Variants in TULP4 observed in about 807,000 individuals in gnomAD.
TULP4 encodes the protein tubby-related protein 4.
A neutral mutation model predicts 129.0 loss-of-function variants in TULP4; 16 were observed. That is an observed-to-expected ratio of 0.12 (90% CI 0.08 to 0.19). TULP4 has a LOEUF of 0.19. Among genes scored for constraint, TULP4 ranks in the 10% least tolerant of loss-of-function variants. The pLI is 1.00. For synonymous variants in TULP4, 998 were observed against 854.0 expected (o/e 1.17, Z -2.94); for missense variants, 1,842 against 2,059.1 (o/e 0.89, Z 2.04).
At chr6:158,232,597 G>A (rs1777618034) in intron 1 of TULP4, among the ~76,000 whole-genome samples, 1 of 152,066 alleles carries the variant, frequency 6.6e-6, no homozygotes, top group African/African-American at 2.4e-5. Flanking sequence ...AGCGCGGGGC[G>A]GGCGTGCGTG....
chr6:158,433,744 A>G (rs1181320007), intron 3 of TULP4, among the ~76,000 whole-genome samples: 1 of 152,190 alleles, frequency 6.6e-6, no homozygotes, highest in Non-Finnish European at 1.5e-5. Context: ...TGTTAATGTC[A>G]TCTACACTTA....
At chr6:158,301,179 A>C (rs1268165833) in intron 1 of TULP4, among the ~76,000 whole-genome samples, 1 of 152,216 alleles carries the variant, frequency 6.6e-6, no homozygotes, top group Non-Finnish European at 1.5e-5. Flanking sequence ...GACAATATTT[A>C]AAGGTTTGGG....
chr6:158,426,609 T>G (rs868757666), intron 2 of TULP4, among the ~76,000 whole-genome samples: 5 of 152,226 alleles, frequency 3.3e-5, no homozygotes, highest in African/African-American at 1.2e-4. Context: ...CCATGCTGTT[T>G]TGGTTACTGT....
At chr6:158,344,434 A>C (rs1780256775) in intron 1 of TULP4, among the ~76,000 whole-genome samples, 1 of 152,142 alleles carries the variant, frequency 6.6e-6, no homozygotes, top group Admixed American at 6.5e-5. Flanking sequence ...GCATCAAGCA[A>C]GTCTTTCGGT....
chr6:158,502,145 G>A lies in TULP4; in HGVS notation c.2482G>A (p.Val828Met). The change falls in exon 13 of 14, where the codon GTG becomes ATG. Residue 828 changes from valine to methionine, a missense_variant. Transcript: ENST00000367097. ...CTTTAGTGCCCCCCAGGAGGTCCAG[G>A]TGACGAAGATAAACCCTCCACCCCC... ...VVFSAPQEVQ[V>M]TKINPPPPYP... 2 of 1,602,776 alleles carry A rather than the reference G, an allele frequency of 1.2e-6. No individual in the cohort carries two copies. The highest frequency in any genetic ancestry group is 1.7e-6 in the Non-Finnish European group (2 of 1,174,704).
At chr6:158,491,544 G>C (rs1042044204) in intron 9 of TULP4, among the ~76,000 whole-genome samples, 1 of 151,188 alleles carries the variant, frequency 6.6e-6, no homozygotes, top group Non-Finnish European at 1.5e-5. Flanking sequence ...CCAGGCTGGC[G>C]TGCAGTGGCA....
At chr6:158,311,930 T>G (rs1329396159), upstream of TULP4, 1 of 391,886 alleles carries the variant, frequency 2.6e-6, no homozygotes, top group African/African-American at 2.1e-5. Flanking sequence ...AGTCAGTAGC[T>G]CCATTTGATG....
At chr6:158,492,634 A>T (rs1470213442) in intron 9 of TULP4, among the ~76,000 whole-genome samples, 3 of 151,930 alleles carry the variant, frequency 2.0e-5, no homozygotes, top group African/African-American at 7.3e-5. Flanking sequence ...TCCTTTCCCC[A>T]TTTGGACCCT....
chr6:158,481,145 G>A lies in TULP4; in HGVS notation c.1342G>A (p.Glu448Lys). 1 of 1,613,946 alleles carries A rather than the reference G, an allele frequency of 6.2e-7. No individual in the cohort carries two copies. The highest frequency in any genetic ancestry group is 8.5e-7 in the Non-Finnish European group (1 of 1,179,842). The change falls in exon 8 of 14, where the codon GAG (glutamate) becomes AAG (lysine). Residue 448 changes from glutamate (E) to lysine (K), a missense_variant. Transcript: ENST00000367097. ...GCTGCACTGCACCATGAAGCGCACA[G>A]AGGACGACCCGGAGGTGGGCGGCCC... ...ERLHCTMKRTEDDPEVGGPCY... is the reference protein window; with the variant it reads ...ERLHCTMKRTKDDPEVGGPCY...
chr6:158,314,210 G>T lies in TULP4; in HGVS notation c.194G>T (p.Arg65Leu), dbSNP rs564254313. The change falls in exon 1 of 14, where the codon CGC (arginine) becomes CTC (leucine). Residue 65 changes from arginine (R) to leucine (L), a missense_variant. This residue lies in a region of TULP4 where 151 missense variants were observed against 268.7 expected (regional missense o/e 0.56). Transcript: ENST00000367097. ...GTGACTTTCACCTCTAGTCACTGTC[G>T]CAGGGACAGGAGTACTCCACAGAGG... ...VGVTFTSSHC[R>L]RDRSTPQRIN... 1 of 1,614,162 alleles carries T rather than the reference G, an allele frequency of 6.2e-7. No individual in the cohort carries two copies. The highest frequency in any genetic ancestry group is 1.1e-5 in the South Asian group (1 of 91,082).
intron 1 of TULP4, among the ~76,000 whole-genome samples, chr6:158,232,841 C>T (rs1562487896): frequency 6.6e-6 from 1 of 152,228 alleles, no homozygotes. Flanking sequence ...CGCGAAGCCC[C>T]CGGGCGAGCC....
chr6:158,448,911 T>C (rs2115131599), intron 3 of TULP4, 85 bp from the exon 4 acceptor site: 2 of 1,394,938 alleles, frequency 1.4e-6, no homozygotes, highest in Non-Finnish European at 1.9e-6. Flanking sequence ...GTATATTGTC[T>C]TCCTAAAACA....
intron 1 of TULP4, among the ~76,000 whole-genome samples, chr6:158,385,840 ATCTT>A (rs1258133294): frequency 2.9e-5 from 1 of 34,026 alleles, no homozygotes; most frequent in Non-Finnish European, 6.7e-5. Flanking sequence ...AATGTGGAAT[ATCTT>A]TTTTTTTTTT....
At chr6:158,494,094 ACCT>A (rs1424732230) in intron 10 of TULP4, among the ~76,000 whole-genome samples, 2 of 150,598 alleles carry the variant, frequency 1.3e-5, no homozygotes, top group Non-Finnish European at 3.0e-5. Flanking sequence ...TCACCACCCC[ACCT>A]CCTCCTCGTT....
chr6:158,339,086 G>A (rs543479577), intron 1 of TULP4, among the ~76,000 whole-genome samples: 167 of 152,266 alleles, frequency 1.1e-3, no homozygotes, highest in African/African-American at 2.0e-3. Flanking sequence ...GTAATTCAAC[G>A]TGAGTCCTTT....
At chr6:158,308,866 CGGCTGGCCGGGTGGGG>C (rs1405807711), upstream of TULP4, among the ~76,000 whole-genome samples, 6 of 137,436 alleles carry the variant, frequency 4.4e-5, no homozygotes, top group African/African-American at 1.6e-4. Context: ...CCGGACGGGG[CGGCTGGCCGGGTGGGG>C]GGCTGACCCC....
intron 3 of TULP4, among the ~76,000 whole-genome samples, chr6:158,436,507 C>T (rs932691426): frequency 2.6e-5 from 4 of 152,306 alleles, no homozygotes; most frequent in East Asian, 1.9e-4. Flanking sequence ...TACCCACCTA[C>T]AGGAATCTCC....
intron 3 of TULP4, among the ~76,000 whole-genome samples, chr6:158,438,666 C>A (rs1778809578): frequency 6.6e-6 from 1 of 152,064 alleles, no homozygotes; most frequent in African/African-American, 2.4e-5. Context: ...CTCACTGCAA[C>A]CTCCATCTCC....
chr6:158,403,078 A>T (rs1041192423), intron 1 of TULP4, among the ~76,000 whole-genome samples: 4 of 152,194 alleles, frequency 2.6e-5, no homozygotes, highest in African/African-American at 9.7e-5. Flanking sequence ...ATATCCATCA[A>T]TTGCCGGAAC....
Sources: allele counts gnomAD v4.1 joint callset (sites outside exome capture counted in the v4.1 genomes callset), GRCh38; gene constraint gnomAD v4.1.1; regional missense constraint gnomAD v4.1.1; transcripts MANE v1.5; gene names NCBI Gene and HGNC (gene_info 2026-07-23, HGNC 2026-07-21).